Variants in RREB1 observed in about 807,000 individuals in gnomAD.
The protein encoded by RREB1 is ras responsive element binding protein 1.
In RREB1, 27 loss-of-function variants were observed where a neutral mutation model predicts 117.8. That is an observed-to-expected ratio of 0.23 (90% CI 0.17 to 0.32). RREB1 has a LOEUF of 0.32. RREB1 is among the 10% of genes least tolerant of loss of function. The pLI is 1.00. For synonymous variants in RREB1, 1,298 were observed against 1,026.7 expected (o/e 1.26, Z -5.05); for missense variants, 2,577 against 2,378.2 (o/e 1.08, Z -1.74).
At position 7,230,110 on chromosome 6, in the gene RREB1, T is replaced by C; in HGVS notation, c.2011T>C (p.Tyr671His). ...HVRSHLGISP[Y>H]QCNICDYIAA... ...GCGCTCCCACCTGGGCATCTCGCCA[T>C]ACCAGTGCAACATCTGCGACTACAT... is the stretch of plus-strand genomic sequence containing the variant. Residue 671 changes from tyrosine to histidine, a missense_variant, in exon 10 of 13, where the codon TAC becomes CAC. Coordinates refer to ENST00000379938, the MANE Select transcript of RREB1 (RefSeq NM_001003699.4). 2 of 1,604,948 alleles carry C rather than the reference T, an allele frequency of 1.2e-6. No individual in the cohort carries two copies. The highest frequency in any genetic ancestry group is 1.7e-6 in the Non-Finnish European group (2 of 1,176,254).
Position 7,158,146 on chromosome 6 carries a change from A to G in RREB1, c.-284-18509A>G, listed in dbSNP as rs551169538. Among the ~76,000 whole-genome samples, 7 of 152,124 alleles carry G rather than the reference A, an allele frequency of 4.6e-5. No homozygotes were observed. In the South Asian group the frequency reaches 1.5e-3, roughly 32 times the overall value. ...GAATCTCTGCAAAAGAATGTAGCCT[A>G]ACCCCCCTAACAATCTAAAACTTCT... On this transcript the variant is annotated intron_variant, in intron 1 of 12. Transcript: ENST00000379938.
chr6:7,110,542 C>A (rs1344316341), intron 1 of RREB1, among the ~76,000 whole-genome samples: 1 of 151,922 alleles, frequency 6.6e-6, no homozygotes, highest in African/African-American at 2.4e-5. Context: ...TGGGTACCCG[C>A]TGATGGGTCC....
intron 8 of RREB1, among the ~76,000 whole-genome samples, chr6:7,220,702 G>A (rs559168065): frequency 6.6e-6 from 1 of 152,316 alleles, no homozygotes; most frequent in East Asian, 1.9e-4. Flanking sequence ...CTTGCAAAAC[G>A]AAATTGTCCT....
At chr6:7,228,495 CTTT>C (rs568193582) in intron 9 of RREB1, among the ~76,000 whole-genome samples, 4 of 91,194 alleles carry the variant, frequency 4.4e-5, no homozygotes, top group African/African-American at 1.4e-4. Flanking sequence ...AGAAGGTCAA[CTTT>C]TTTTTTTTTT....
intron 12 of RREB1, 53 bp downstream of exon 12, chr6:7,247,274 C>T (rs951077791): frequency 7.2e-6 from 11 of 1,532,754 alleles, no homozygotes; most frequent in African/African-American, 1.4e-5. Context: ...GAGCCGGGCA[C>T]CTCTCCTAGG....
Position 7,230,937 on chromosome 6 carries a change from G to C in RREB1, c.2838G>C (p.Gly946=), listed in dbSNP as rs576621209. The change falls in exon 10 of 13, where the codon GGG becomes GGC. Residue 946 remains glycine (G), a synonymous_variant. Transcript: ENST00000379938. ...DLSIPKNFRK[G]DKDLATPSEA... is the part of the protein sequence containing the mutation. ...CCATCCCCAAGAACTTCAGGAAAGG[G>C]GACAAGGATTTGGCCACTCCCAGCG... 11 of 1,614,002 alleles carry C rather than the reference G, an allele frequency of 6.8e-6. No homozygotes were observed. The highest frequency in any genetic ancestry group is 9.3e-6 in the Non-Finnish European group (11 of 1,179,934).
chr6:7,147,329 G>T (rs1027272387), intron 1 of RREB1, among the ~76,000 whole-genome samples: 2 of 152,226 alleles, frequency 1.3e-5, no homozygotes, highest in African/African-American at 4.8e-5. Flanking sequence ...TCAGCTTGGA[G>T]TGCGCAGCAT....
Position 7,248,771 on chromosome 6 carries a change from G to T in RREB1, c.5032G>T (p.Ala1678Ser). ...CACCCGGAGCCGGAAGGAGGGCTTGGCCAGTGCCACCAAGGACTGCAGCCA... is the reference window on the plus strand; with the variant it reads ...CACCCGGAGCCGGAAGGAGGGCTTGTCCAGTGCCACCAAGGACTGCAGCCA... ...AVTRSRKEGL[A>S]SATKDCSHRE... Residue 1678 changes from alanine (A) to serine (S), a missense_variant, in exon 13 of 13, where the codon GCC becomes TCC. Ala to Ser is a moderately conservative substitution (Grantham distance 99). Coordinates refer to ENST00000379938, the MANE Select transcript of RREB1 (RefSeq NM_001003699.4). 1 of 1,614,042 alleles carries T rather than the reference G, an allele frequency of 6.2e-7. No homozygotes were observed. The highest frequency in any genetic ancestry group is 8.5e-7 in the Non-Finnish European group (1 of 1,179,992).
intron 6 of RREB1, among the ~76,000 whole-genome samples, chr6:7,201,678 G>T (rs760787592): frequency 6.6e-6 from 1 of 152,196 alleles, no homozygotes; most frequent in Non-Finnish European, 1.5e-5. Context: ...TTGGCCTTCA[G>T]TGGAGACAGA....
intron 1 of RREB1, among the ~76,000 whole-genome samples, chr6:7,138,064 C>T (rs946207247): frequency 6.6e-6 from 1 of 152,182 alleles, no homozygotes; most frequent in Non-Finnish European, 1.5e-5. Context: ...TTTTACACCT[C>T]AGTCAGATGG....
At chr6:7,162,119 G>A (rs1397086798) in intron 1 of RREB1, among the ~76,000 whole-genome samples, 14 of 152,090 alleles carry the variant, frequency 9.2e-5, no homozygotes, top group Admixed American at 9.2e-4. Context: ...CACTCTGATA[G>A]CTCCCAGGGG....
intron 1 of RREB1, among the ~76,000 whole-genome samples, chr6:7,169,514 A>G (rs546746585): frequency 6.6e-6 from 1 of 152,256 alleles, no homozygotes; most frequent in African/African-American, 2.4e-5. Flanking sequence ...AGGGCCAGGG[A>G]CTCAACTCTT....
intron 8 of RREB1, among the ~76,000 whole-genome samples, chr6:7,225,229 G>A (rs914512692): frequency 3.9e-5 from 6 of 152,126 alleles, no homozygotes; most frequent in Non-Finnish European, 5.9e-5. Flanking sequence ...GGTCAGATAC[G>A]CTTGCACACA....
At chr6:7,156,024 A>G (rs1763345904) in intron 1 of RREB1, among the ~76,000 whole-genome samples, 1 of 152,228 alleles carries the variant, frequency 6.6e-6, no homozygotes, top group Non-Finnish European at 1.5e-5. Flanking sequence ...AACAGCTGCT[A>G]AGCTTTGTAT....
intron 6 of RREB1, among the ~76,000 whole-genome samples, chr6:7,205,255 G>C (rs539268574): frequency 9.2e-5 from 14 of 152,284 alleles, no homozygotes; most frequent in African/African-American, 3.1e-4. Flanking sequence ...GATGGGACTC[G>C]GGGGTTTTTA....
intron 6 of RREB1, among the ~76,000 whole-genome samples, chr6:7,191,065 G>T (rs142015668): frequency 2.5e-4 from 38 of 152,264 alleles, no homozygotes; most frequent in African/African-American, 8.9e-4. Context: ...TCTATTTTGA[G>T]ACATGATTGA....
At chr6:7,125,725 T>C (rs980189886) in intron 1 of RREB1, among the ~76,000 whole-genome samples, 17 of 152,166 alleles carry the variant, frequency 1.1e-4, no homozygotes, top group Non-Finnish European at 1.9e-4. Flanking sequence ...CAGTGACATG[T>C]GGCAGTGCTC....
At chr6:7,117,360 A>G (rs1460462860) in intron 1 of RREB1, among the ~76,000 whole-genome samples, 1 of 149,028 alleles carries the variant, frequency 6.7e-6, no homozygotes, top group Non-Finnish European at 1.5e-5. Flanking sequence ...TCTGAAACAC[A>G]AAGGTGAACC....
chr6:7,118,584 A>G (rs1278202064), intron 1 of RREB1, among the ~76,000 whole-genome samples: 1 of 152,140 alleles, frequency 6.6e-6, no homozygotes, highest in African/African-American at 2.4e-5. Flanking sequence ...AAAGTTTAAA[A>G]CCAAGTATAG....
Sources: allele counts gnomAD v4.1 joint callset (sites outside exome capture counted in the v4.1 genomes callset), GRCh38; gene constraint gnomAD v4.1.1; transcripts MANE v1.5; gene names NCBI Gene and HGNC (gene_info 2026-07-23, HGNC 2026-07-21).